Variants in SNTG1 observed in about 807,000 individuals in gnomAD.
The protein encoded by SNTG1 is syntrophin gamma 1.
Under a neutral mutation model 74.7 loss-of-function variants are expected in SNTG1, and 39 were observed. That is an observed-to-expected ratio of 0.52 (90% CI 0.40 to 0.68). The LOEUF is 0.68. SNTG1 is among the 30% of genes least tolerant of loss of function. The pLI, the probability that SNTG1 is intolerant of heterozygous loss-of-function variation, is 0.00. For missense variants in SNTG1, 685 were observed against 609.5 expected (o/e 1.12, Z -1.30); for synonymous variants, 254 against 217.1 (o/e 1.17, Z -1.49).
At chr8:50,762,570 G>T in intron 18 of SNTG1, 1 of 370,010 alleles carries the variant, frequency 2.7e-6, no homozygotes, top group Non-Finnish European at 5.3e-6. Flanking sequence ...TTTGTTCCAA[G>T]GATGTGCTTC....
intron 12 of SNTG1, among the ~76,000 whole-genome samples, chr8:50,583,407 A>C (rs2094624636): frequency 6.6e-6 from 1 of 151,848 alleles, no homozygotes; most frequent in East Asian, 1.9e-4. Flanking sequence ...AAAAAAAAAA[A>C]AAAAAAAGAA....
At chr8:50,184,570 T>C (rs2083316371) in intron 2 of SNTG1, among the ~76,000 whole-genome samples, 1 of 152,236 alleles carries the variant, frequency 6.6e-6, no homozygotes, top group African/African-American at 2.4e-5. Context: ...TAAATGGTTG[T>C]AATTATGGTA....
chr8:50,692,520 G>T (rs1236107711), intron 15 of SNTG1, among the ~76,000 whole-genome samples: 1 of 152,196 alleles, frequency 6.6e-6, no homozygotes, highest in Non-Finnish European at 1.5e-5. Context: ...GTCCACTCCA[G>T]ACCCTGTTTG....
chr8:49,974,424 G>A (rs1018384020), intron 1 of SNTG1, among the ~76,000 whole-genome samples: 3 of 152,220 alleles, frequency 2.0e-5, no homozygotes, highest in Admixed American at 2.0e-4. Context: ...TTCCAGAAAA[G>A]GAATCTATAT....
At chr8:50,226,544 C>T (rs565376116) in intron 2 of SNTG1, among the ~76,000 whole-genome samples, 54 of 152,260 alleles carry the variant, frequency 3.5e-4, no homozygotes, top group Non-Finnish European at 7.5e-4. Context: ...TCAAAAGATC[C>T]GTGGTCTCCA....
intron 13 of SNTG1, among the ~76,000 whole-genome samples, chr8:50,616,185 G>A (rs1357649838): frequency 1.3e-5 from 2 of 152,170 alleles, no homozygotes; most frequent in East Asian, 3.8e-4. Context: ...TCTACGGTTT[G>A]ACCAAACAGC....
In SNTG1 at chr8:50,077,968, A is replaced by ATG. The variant is rs376080534; in HGVS notation, c.-102-94582_-102-94581dup. Among the ~76,000 whole-genome samples, 685 of 152,030 alleles carry ATG rather than the reference A, an allele frequency of 4.5e-3. 6 individuals are homozygous for ATG. Among genetic ancestry groups the ATG allele is most frequent in the African/African-American group, 0.016 (660 of 41,490 alleles). ...AAATGTGTGATGTGTGTATTTATGT[A>ATG]TGTGTGTGTGTGCATTTGTAATTAC... On this transcript the variant is annotated intron_variant, in intron 1 of 18. Transcript: ENST00000642720.
intron 13 of SNTG1, among the ~76,000 whole-genome samples, chr8:50,656,641 T>C (rs899159249): frequency 2.6e-5 from 4 of 152,140 alleles, no homozygotes; most frequent in African/African-American, 9.7e-5. Context: ...GGAAATATAA[T>C]CCATGGCAGG....
chr8:50,165,342 G>A (rs2082575255), intron 1 of SNTG1, among the ~76,000 whole-genome samples: 1 of 152,154 alleles, frequency 6.6e-6, no homozygotes, highest in Non-Finnish European at 1.5e-5. Flanking sequence ...TGAGGCTTTA[G>A]CAAACTGATG....
At chr8:50,071,500 T>C (rs1403348739) in intron 1 of SNTG1, among the ~76,000 whole-genome samples, 3 of 152,088 alleles carry the variant, frequency 2.0e-5, no homozygotes, top group Non-Finnish European at 2.9e-5. Flanking sequence ...TATTTTTGAG[T>C]GGAATTTTGC....
chr8:50,197,375 G>T (rs1454473267), intron 2 of SNTG1, among the ~76,000 whole-genome samples: 2 of 152,002 alleles, frequency 1.3e-5, no homozygotes, highest in Non-Finnish European at 1.5e-5. Flanking sequence ...AGTTTATTGT[G>T]CTCTAATGCT....
At chr8:50,249,433 C>T (rs2086547469) in intron 2 of SNTG1, among the ~76,000 whole-genome samples, 1 of 152,200 alleles carries the variant, frequency 6.6e-6, no homozygotes, top group African/African-American at 2.4e-5. Context: ...TGGGGGCAGC[C>T]CCTGGACTCA....
intron 1 of SNTG1, among the ~76,000 whole-genome samples, chr8:50,044,542 G>A (rs777555032): frequency 1.3e-5 from 2 of 152,124 alleles, no homozygotes; most frequent in Non-Finnish European, 2.9e-5. Flanking sequence ...CCATTACTTT[G>A]AACATGATAT....
intron 1 of SNTG1, among the ~76,000 whole-genome samples, chr8:50,007,818 A>T (rs1009837467): frequency 1.1e-4 from 17 of 152,002 alleles, no homozygotes; most frequent in South Asian, 2.1e-4. Flanking sequence ...TAATTTATTT[A>T]AAAAAAAGGT....
At chr8:49,983,204 G>A (rs967602170) in intron 1 of SNTG1, among the ~76,000 whole-genome samples, 1 of 152,108 alleles carries the variant, frequency 6.6e-6, no homozygotes. Context: ...TTGAAACTCA[G>A]CTATAACTGA....
At chr8:50,254,532 A>T (rs2086787742) in intron 2 of SNTG1, among the ~76,000 whole-genome samples, 4 of 152,136 alleles carry the variant, frequency 2.6e-5, no homozygotes, top group Admixed American at 2.6e-4. Context: ...AGACTAAAAG[A>T]TACTGAGTGA....
chr8:50,069,512 T>C (rs182431913), intron 1 of SNTG1, among the ~76,000 whole-genome samples: 1 of 151,190 alleles, frequency 6.6e-6, no homozygotes, highest in Non-Finnish European at 1.5e-5. Context: ...AATTGTGTAA[T>C]GAAATCATCT....
intron 1 of SNTG1, among the ~76,000 whole-genome samples, chr8:50,118,033 T>G (rs929860639): frequency 1.3e-5 from 2 of 152,116 alleles, no homozygotes; most frequent in African/African-American, 2.4e-5. Context: ...TAGGTTGCAT[T>G]TTACAGAAAG....
chr8:50,573,402 G>A (rs563631039), intron 12 of SNTG1, among the ~76,000 whole-genome samples: 2 of 151,852 alleles, frequency 1.3e-5, no homozygotes, highest in South Asian at 2.1e-4. Context: ...TTGTAAAACT[G>A]GCTCTATTTA....
Sources: gnomAD v4.1 joint callset for allele counts (sites outside exome capture counted in the v4.1 genomes callset) on GRCh38, gnomAD v4.1.1 for gene constraint, MANE v1.5 for transcripts, NCBI Gene and HGNC (gene_info 2026-07-23, HGNC 2026-07-21) for gene names.